The following EVA1A variants were observed in gnomAD, a reference collection of about 807,000 sequenced individuals.
The protein encoded by EVA1A is protein eva-1 homolog A.
EVA1A carries 7 observed loss-of-function variants against 9.8 expected under a neutral mutation model. The observed-to-expected ratio is 0.71, with a 90% CI of 0.41 to 1.34. The LOEUF is 1.34. Among genes scored for constraint, EVA1A ranks in the 40% most tolerant of loss-of-function variants. The pLI is 0.01. For synonymous variants in EVA1A, 90 were observed against 85.6 expected, an observed-to-expected ratio of 1.05 and a Z score of -0.28; for missense variants, 206 against 205.9, an observed-to-expected ratio of 1.00 and a Z score of 0.00.
In EVA1A at chr2:75,493,451, T is replaced by C. The variant is rs1201993998; in HGVS notation, c.244A>G (p.Ser82Gly). The C allele has an allele frequency of 1.4e-6, 2 of 1,466,530 alleles. No homozygotes were observed. The highest frequency in any genetic ancestry group is 2.2e-5 in the East Asian group (1 of 44,852). The allele number at this position is 1,466,530 out of a possible 1,614,324, so 90.8% of individuals were successfully genotyped here. A position where few individuals can be genotyped will look rare whatever the true frequency, so the allele number is the denominator to read the frequency against. ...TCCTCACTGCCATCCTCGCTGTCGC[T>C]GCTGTCGCTGCTGCTCTCTCTGTCC... ...LQDRESSSDS[S>G]DSEDGSEDTV... Residue 82 changes from serine (S) to glycine (G), a missense_variant, in exon 4 of 4, where the codon AGC becomes GGC. By Grantham distance (56) the Ser-to-Gly change is moderately conservative. Coordinates refer to ENST00000393913, the MANE Select transcript of EVA1A (RefSeq NM_001135032.2).
chr2:75,553,501 G>A (rs1343485995), intron 1 of EVA1A, among the ~76,000 whole-genome samples: 2 of 152,156 alleles, frequency 1.3e-5, no homozygotes, highest in Non-Finnish European at 2.9e-5. Context: ...AGCTCCTTGG[G>A]CACAAAGAGT....
chr2:75,538,177 T>C (rs6716950), intron 1 of EVA1A, among the ~76,000 whole-genome samples: 98,008 of 151,972 alleles, frequency 0.64, 33,689 homozygotes, highest in African/African-American at 0.89. Flanking sequence ...GTAGTCCCAG[T>C]TTCTCGGGAG....
chr2:75,569,527 A>G (rs1156554671), exon 1 of EVA1A: 3 of 152,248 alleles, frequency 2.0e-5, no homozygotes, highest in Non-Finnish European at 4.4e-5. Flanking sequence ...TTGCTTGGTA[A>G]CAGACACATC....
intron 1 of EVA1A, among the ~76,000 whole-genome samples, chr2:75,544,632 A>G (rs1676263504): frequency 6.6e-6 from 1 of 152,242 alleles, no homozygotes; most frequent in South Asian, 2.1e-4. Flanking sequence ...AAAAAAAATT[A>G]ACAACATAAT....
chr2:75,543,914 T>G (rs1204381664), intron 1 of EVA1A, among the ~76,000 whole-genome samples: 3 of 152,188 alleles, frequency 2.0e-5, no homozygotes, highest in Admixed American at 2.0e-4. Context: ...TCTAACACAA[T>G]GGAGGTCAAC....
chr2:75,498,566 T>C (rs978796561), intron 3 of EVA1A, among the ~76,000 whole-genome samples: 1 of 152,236 alleles, frequency 6.6e-6, no homozygotes, highest in Non-Finnish European at 1.5e-5. Flanking sequence ...TCTTCAATTT[T>C]TATGTTGATT....
chr2:75,503,469 G>C (rs370913637), intron 3 of EVA1A, among the ~76,000 whole-genome samples: 2 of 152,310 alleles, frequency 1.3e-5, no homozygotes, highest in African/African-American at 4.8e-5. Context: ...CCTATGTAGA[G>C]GTCCTGAAGC....
At chr2:75,507,693 C>G (rs1010108280) in intron 3 of EVA1A, among the ~76,000 whole-genome samples, 1 of 152,188 alleles carries the variant, frequency 6.6e-6, no homozygotes, top group African/African-American at 2.4e-5. Context: ...ACCATCCAGA[C>G]AGCCCAAAAC....
At chr2:75,544,237 C>T (rs1676244749) in intron 1 of EVA1A, among the ~76,000 whole-genome samples, 1 of 152,194 alleles carries the variant, frequency 6.6e-6, no homozygotes, top group African/African-American at 2.4e-5. Flanking sequence ...AAGTACACTA[C>T]CATCACCCTG....
chr2:75,507,355 C>G (rs1674652309), intron 3 of EVA1A, among the ~76,000 whole-genome samples: 2 of 152,206 alleles, frequency 1.3e-5, no homozygotes, highest in African/African-American at 2.4e-5. Context: ...AAACCCAGCT[C>G]TATGCCTACC....
Position 75,493,108 on chromosome 2 carries a change from G to A in EVA1A, c.*128C>T. 1.5e-6 allele frequency: 2 copies of A among 1,336,840 alleles called. No individual in the cohort carries two copies. Among genetic ancestry groups the A allele is most frequent in the Non-Finnish European group, 2.0e-6 (2 of 980,802 alleles). The allele number at this position is 1,336,840 out of a possible 1,614,324, so 82.8% of individuals were successfully genotyped here. On this transcript the variant is annotated 3_prime_UTR_variant, in exon 4 of 4. Coordinates refer to ENST00000393913, the MANE Select transcript of EVA1A (RefSeq NM_001135032.2). ...GAGCAATCCTCCTGGCTAGAAAAGG[G>A]GCATGTCCTGCTTTTTCTCTGAAAT... is the stretch of plus-strand genomic sequence containing the variant.
chr2:75,512,914 GAT>G (rs1558676279), intron 3 of EVA1A, among the ~76,000 whole-genome samples: 3 of 152,086 alleles, frequency 2.0e-5, no homozygotes, highest in Admixed American at 6.6e-5. Flanking sequence ...ATGAACTACT[GAT>G]CTAAAGATTG....
chr2:75,511,065 G>T (rs1452422748), intron 3 of EVA1A, among the ~76,000 whole-genome samples: 1 of 152,160 alleles, frequency 6.6e-6, no homozygotes, highest in Non-Finnish European at 1.5e-5. Flanking sequence ...TAAAGAAAAA[G>T]CTTCCTGACC....
Position 75,493,008 on chromosome 2 carries a change from A to C in EVA1A, c.*228T>G, listed in dbSNP as rs1674083154. 6.8e-6 allele frequency: 4 copies of C among 586,984 alleles called. No homozygotes were observed. Among genetic ancestry groups the C allele is most frequent in the Non-Finnish European group, 8.8e-6 (3 of 340,056 alleles). The allele number at this position is 586,984 out of a possible 1,614,324, so 36.4% of individuals were successfully genotyped here. ...TCCACAGTGTTGGAGAGGATTTTTC[A>C]GCACCATTCCGAGACCTGGAAAGGG... On this transcript the variant is annotated 3_prime_UTR_variant, in exon 4 of 4. Transcript: ENST00000393913.
At chr2:75,536,551 A>G (rs1370886124) in intron 1 of EVA1A, among the ~76,000 whole-genome samples, 1 of 152,288 alleles carries the variant, frequency 6.6e-6, no homozygotes, top group Non-Finnish European at 1.5e-5. Context: ...AAATTGGCAA[A>G]CCTATAGCAA....
intron 1 of EVA1A, chr2:75,525,967 C>A (rs1675423760): frequency 6.6e-6 from 1 of 152,224 alleles, no homozygotes; most frequent in South Asian, 2.1e-4. Context: ...CTGGAGGCTG[C>A]CTACCTTCCT....
chr2:75,511,783 T>C (rs2103823686), intron 3 of EVA1A, among the ~76,000 whole-genome samples: 1 of 152,272 alleles, frequency 6.6e-6, no homozygotes, highest in African/African-American at 2.4e-5. Context: ...CAGGCACTAT[T>C]CTACATGCGC....
At chr2:75,531,793 T>C (rs1397148017) in intron 1 of EVA1A, among the ~76,000 whole-genome samples, 1 of 152,126 alleles carries the variant, frequency 6.6e-6, no homozygotes, top group Non-Finnish European at 1.5e-5. Flanking sequence ...GGTAAAAGAC[T>C]ATACATTGGG....
At chr2:75,509,884 G>C (rs1438018852) in intron 3 of EVA1A, among the ~76,000 whole-genome samples, 1 of 151,956 alleles carries the variant, frequency 6.6e-6, no homozygotes, top group Admixed American at 6.6e-5. Flanking sequence ...CTTTCAATGT[G>C]TATGCATTTT....
Sources: gnomAD v4.1 joint callset for allele counts (sites outside exome capture counted in the v4.1 genomes callset) on GRCh38, gnomAD v4.1.1 for gene constraint, MANE v1.5 for transcripts, NCBI Gene and HGNC (gene_info 2026-07-23, HGNC 2026-07-21) for gene names.